Variants in PIK3AP1 observed in about 807,000 individuals in gnomAD.
The protein encoded by PIK3AP1 is phosphoinositide-3-kinase adaptor protein 1.
PIK3AP1 carries 21 observed loss-of-function variants against 88.1 expected under a neutral mutation model. That is an observed-to-expected ratio of 0.24 (90% CI 0.17 to 0.34). The LOEUF is 0.34. Ranked by LOEUF, PIK3AP1 falls within the 10% of genes least tolerant of loss-of-function variation. PIK3AP1 has a pLI of 1.00. For synonymous variants in PIK3AP1, 398 were observed against 400.0 expected (o/e 1.00, Z 0.06); for missense variants, 828 against 1,035.7 (o/e 0.80, Z 2.75).
At position 96,656,924 on chromosome 10, in the gene PIK3AP1, A is replaced by G; in HGVS notation, c.441T>C (p.Cys147=). The change falls in exon 3 of 17, where the codon TGT becomes TGC. Residue 147 remains cysteine, a synonymous_variant. Coordinates refer to ENST00000339364, the MANE Select transcript of PIK3AP1 (RefSeq NM_152309.3). The part of the protein sequence containing the change: ...VKKAISEDSG[C]DSVTDTEPED... Reference sequence around the variant, plus strand: ...CAGGCTCAGTGTCAGTGACTGAGTCACAGCCAGAATCTACAAAATAGAGGA... The same window carrying G: ...CAGGCTCAGTGTCAGTGACTGAGTCGCAGCCAGAATCTACAAAATAGAGGA... 25 of 1,614,094 alleles carry G rather than the reference A, an allele frequency of 1.5e-5. No homozygotes were observed. The highest frequency in any genetic ancestry group is 2.1e-5 in the Non-Finnish European group (25 of 1,179,996).
At position 96,623,544 on chromosome 10, in the gene PIK3AP1, G is replaced by A; in HGVS notation, c.1670-7C>T. 3 of 1,592,450 alleles carry A rather than the reference G, an allele frequency of 1.9e-6. No homozygotes were observed. In the South Asian group the frequency reaches 3.3e-5, roughly 18 times the overall value. ...TGACTTTTTTCTGCAAAAACTATGA[G>A]ATAAAGAATATTCTGATTACTGAAA... On this transcript the variant is annotated splice_region_variant and splice_polypyrimidine_tract_variant and intron_variant, in intron 10 of 16. Coordinates refer to ENST00000339364, the MANE Select transcript of PIK3AP1 (RefSeq NM_152309.3).
chr10:96,648,797 C>G lies in PIK3AP1; in HGVS notation c.1047G>C (p.Lys349Asn). Residue 349 changes from lysine to asparagine, a missense_variant, in exon 7 of 17, where the codon AAG becomes AAC. Coordinates refer to ENST00000339364, the MANE Select transcript of PIK3AP1 (RefSeq NM_152309.3). Reference sequence around the variant, plus strand: ...AGGTGAGCAACAAGGCAGTGAGGTTCTTCAGTCCATACTTCGCAGCAAAAT... The same window carrying G: ...AGGTGAGCAACAAGGCAGTGAGGTTGTTCAGTCCATACTTCGCAGCAAAAT... ...LLHFAAKYGL[K>N]NLTALLLTCP... 1 of 1,604,898 alleles carries G rather than the reference C, an allele frequency of 6.2e-7. No individual in the cohort carries two copies.
At chr10:96,671,419 T>G (rs915112232) in intron 2 of PIK3AP1, among the ~76,000 whole-genome samples, 1 of 152,180 alleles carries the variant, frequency 6.6e-6, no homozygotes, top group Admixed American at 6.5e-5. Context: ...GAATTTCCCG[T>G]CCAACTAACC....
chr10:96,626,416 CATA>C (rs1401111033), intron 10 of PIK3AP1, among the ~76,000 whole-genome samples: 1 of 152,218 alleles, frequency 6.6e-6, no homozygotes, highest in Non-Finnish European at 1.5e-5. Context: ...ATTCAAATTT[CATA>C]ATAATATCAA....
At chr10:96,712,105 TTC>T (rs1247682776) in intron 1 of PIK3AP1, among the ~76,000 whole-genome samples, 2 of 152,130 alleles carry the variant, frequency 1.3e-5, no homozygotes, top group Admixed American at 6.5e-5. Flanking sequence ...TGCAGTTTCA[TTC>T]TGTTTTGAGT....
intron 2 of PIK3AP1, among the ~76,000 whole-genome samples, chr10:96,682,279 A>G (rs1564982531): frequency 6.7e-6 from 1 of 150,194 alleles, no homozygotes; most frequent in African/African-American, 2.4e-5. Flanking sequence ...TCCTCTGCTG[A>G]TTTTTTTTTT....
intron 2 of PIK3AP1, among the ~76,000 whole-genome samples, chr10:96,696,258 A>G (rs138462924): frequency 6.6e-6 from 1 of 152,316 alleles, no homozygotes; most frequent in East Asian, 1.9e-4. Flanking sequence ...AAAAGTCCCC[A>G]AGTTTTTCCC....
chr10:96,683,810 C>T (rs2134265971), intron 2 of PIK3AP1, among the ~76,000 whole-genome samples: 1 of 152,308 alleles, frequency 6.6e-6, no homozygotes, highest in South Asian at 2.1e-4. Context: ...TTTTCTAATT[C>T]ATAGGATGGC....
At chr10:96,686,203 C>T (rs1214299476) in intron 2 of PIK3AP1, among the ~76,000 whole-genome samples, 1 of 152,176 alleles carries the variant, frequency 6.6e-6, no homozygotes, top group East Asian at 1.9e-4. Flanking sequence ...AATTTAATCA[C>T]TCTGTTCCAA....
intron 1 of PIK3AP1, among the ~76,000 whole-genome samples, chr10:96,717,424 G>A (rs1383384392): frequency 6.6e-6 from 1 of 152,116 alleles, no homozygotes; most frequent in Non-Finnish European, 1.5e-5. Context: ...TATTTGAAGA[G>A]GGATGAGAGA....
Position 96,628,382 on chromosome 10 carries a change from C to A in PIK3AP1, c.1471+16G>T. 1 of 1,573,058 alleles carries A rather than the reference C, an allele frequency of 6.4e-7. No individual in the cohort carries two copies. Among genetic ancestry groups the A allele is most frequent in the South Asian group, 1.1e-5 (1 of 90,184 alleles). On this transcript the variant is annotated intron_variant, in intron 9 of 16. Transcript: ENST00000339364. ...CTTTTGCTCTTTTGGCTTCCCTGCT[C>A]ATGGCTATGACTTACCTTCTAAAAA...
chr10:96,651,122 A>G, intron 6 of PIK3AP1, 126 bp downstream of exon 6: 4 of 1,246,898 alleles, frequency 3.2e-6, no homozygotes, highest in Non-Finnish European at 4.6e-6. Context: ...TTATCACAGG[A>G]TAGGTTATAG....
chr10:96,612,134 T>G (rs185401985), intron 13 of PIK3AP1, among the ~76,000 whole-genome samples: 76 of 152,304 alleles, frequency 5.0e-4, no homozygotes, highest in African/African-American at 1.7e-3. Context: ...GATCATAAAG[T>G]GATTCAGTGA....
intron 15 of PIK3AP1, 109 bp from the exon 16 acceptor site, chr10:96,602,507 G>C: frequency 1.1e-6 from 1 of 912,450 alleles, no homozygotes; most frequent in Non-Finnish European, 1.7e-6. Flanking sequence ...TGGGGCTGAA[G>C]GTTGTTTGCA....
chr10:96,629,714 CAA>C (rs33921990), intron 8 of PIK3AP1, among the ~76,000 whole-genome samples: 2 of 71,742 alleles, frequency 2.8e-5, no homozygotes, highest in Non-Finnish European at 4.8e-5. Flanking sequence ...CCCATCTCTA[CAA>C]AAAAAAAAAA....
chr10:96,647,483 A>G (rs1317012341), intron 7 of PIK3AP1, among the ~76,000 whole-genome samples: 1 of 152,228 alleles, frequency 6.6e-6, no homozygotes, highest in Non-Finnish European at 1.5e-5. Context: ...TGGCATGGAA[A>G]TGAAATGCTA....
At chr10:96,663,278 T>C (rs906971960) in intron 2 of PIK3AP1, among the ~76,000 whole-genome samples, 12 of 151,982 alleles carry the variant, frequency 7.9e-5, no homozygotes, top group Non-Finnish European at 8.8e-5. Flanking sequence ...GAAAAAAACA[T>C]TGAATTGTAC....
At chr10:96,645,046 T>G (rs1330762323) in intron 8 of PIK3AP1, among the ~76,000 whole-genome samples, 1 of 152,244 alleles carries the variant, frequency 6.6e-6, no homozygotes, top group African/African-American at 2.4e-5. Context: ...TCCTCTTCTT[T>G]AATTTCTCTT....
chr10:96,607,971 C>T (rs1042852888), intron 14 of PIK3AP1, among the ~76,000 whole-genome samples: 5 of 152,216 alleles, frequency 3.3e-5, no homozygotes, highest in African/African-American at 4.8e-5. Flanking sequence ...GTGCAGACTA[C>T]AGCCACAAAG....
Sources: gnomAD v4.1 joint callset for allele counts (sites outside exome capture counted in the v4.1 genomes callset) on GRCh38, gnomAD v4.1.1 for gene constraint, MANE v1.5 for transcripts, NCBI Gene and HGNC (gene_info 2026-07-23, HGNC 2026-07-21) for gene names.